EPHA4: variants seen among roughly 807,000 people sequenced by gnomAD.
EPHA4 encodes the protein ephrin type-A receptor 4.
Under a neutral mutation model 108.3 loss-of-function variants are expected in EPHA4, and 19 were observed. That is an observed-to-expected ratio of 0.18 (90% confidence interval 0.12 to 0.26). The LOEUF (loss-of-function observed/expected upper bound fraction) is 0.26, where lower values mean the gene tolerates loss of function less well. Among genes scored for constraint, EPHA4 ranks in the 10% least tolerant of loss-of-function variants. The pLI, the probability that EPHA4 is intolerant of heterozygous loss-of-function variation, is 1.00. For synonymous variants in EPHA4, 449 were observed against 455.5 expected, an observed-to-expected ratio of 0.99 and a Z score of 0.18; for missense variants, 917 against 1,254.0, an observed-to-expected ratio of 0.73 and a Z score of 4.06.
intron 2 of EPHA4, among the ~76,000 whole-genome samples, chr2:221,567,998 G>A (rs952992249): frequency 1.3e-5 from 2 of 152,218 alleles, no homozygotes; most frequent in African/African-American, 4.8e-5. Context: ...AGGGGGAGTA[G>A]GAGAATGTGG....
intron 17 of EPHA4, 36 bp from the exon 18 acceptor site, chr2:221,420,588 C>G (rs973959399): frequency 6.6e-6 from 1 of 152,162 alleles, no homozygotes; most frequent in African/African-American, 2.4e-5. Context: ...GACAAAACGT[C>G]GACCCATATT....
intron 11 of EPHA4, 110 bp downstream of exon 11, chr2:221,442,719 T>A (rs1559242429): frequency 7.2e-6 from 8 of 1,113,394 alleles, no homozygotes; most frequent in Admixed American, 3.9e-5. Flanking sequence ...GATTTCCTCC[T>A]ATTAGCAATC....
At chr2:221,504,787 C>T (rs368766646) in intron 3 of EPHA4, among the ~76,000 whole-genome samples, 2 of 152,178 alleles carry the variant, frequency 1.3e-5, no homozygotes, top group South Asian at 2.1e-4. Flanking sequence ...ACTGTTCCCA[C>T]TTTGCAGATG....
At chr2:221,507,229 T>C (rs1692658532) in intron 3 of EPHA4, among the ~76,000 whole-genome samples, 1 of 152,210 alleles carries the variant, frequency 6.6e-6, no homozygotes, top group African/African-American at 2.4e-5. Context: ...TCCCCAAGTT[T>C]TGAATGACAA....
intron 5 of EPHA4, among the ~76,000 whole-genome samples, chr2:221,470,653 A>G (rs1325224095): frequency 1.3e-5 from 2 of 149,240 alleles, no homozygotes; most frequent in Admixed American, 1.3e-4. Flanking sequence ...CTTTTTTATA[A>G]AGAAGAAATC....
At chr2:221,514,380 C>T (rs1692930344) in intron 3 of EPHA4, among the ~76,000 whole-genome samples, 1 of 152,090 alleles carries the variant, frequency 6.6e-6, no homozygotes, top group Non-Finnish European at 1.5e-5. Context: ...TCTTGTAGGG[C>T]ACAAAAGGTT....
intron 11 of EPHA4, among the ~76,000 whole-genome samples, chr2:221,442,255 C>CTG (rs1246675037): frequency 2.0e-5 from 3 of 152,202 alleles, no homozygotes; most frequent in Admixed American, 6.5e-5. Context: ...ATCTGTTGAG[C>CTG]TGTGTCGCAT....
At chr2:221,450,600 T>G (rs945824862) in intron 8 of EPHA4, among the ~76,000 whole-genome samples, 2 of 152,208 alleles carry the variant, frequency 1.3e-5, no homozygotes, top group Admixed American at 1.3e-4. Context: ...TAACTCACCA[T>G]GTGACCTTCG....
At chr2:221,542,934 TA>T (rs986854121) in intron 3 of EPHA4, among the ~76,000 whole-genome samples, 1 of 152,238 alleles carries the variant, frequency 6.6e-6, no homozygotes, top group Non-Finnish European at 1.5e-5. Context: ...ATGCAAGTGC[TA>T]ATGAGTAAAA....
chr2:221,518,990 G>A (rs989354984), intron 3 of EPHA4, among the ~76,000 whole-genome samples: 1 of 152,052 alleles, frequency 6.6e-6, no homozygotes, highest in Non-Finnish European at 1.5e-5. Flanking sequence ...ATTTTCAGAG[G>A]AAAGATAGCA....
rs1282092320 is a variant in EPHA4, at chr2:221,473,562, A to AAC, written c.1318+8789_1318+8790insGT. 3.9e-4 allele frequency among the ~76,000 whole-genome samples: 59 copies of AAC among 151,146 alleles called. 1 individual carries two copies. Among genetic ancestry groups the AAC allele is most frequent in the Non-Finnish European group, 6.6e-4 (45 of 67,758 alleles). On this transcript the variant is annotated intron_variant, in intron 5 of 17. Coordinates refer to ENST00000281821, the MANE Select transcript of EPHA4 (RefSeq NM_004438.5). ...TCAAGGTGTTTAAAGGAAAAAAAAA[A>AAC]AAAAAAAAAAAACTATTTAAAGACA...
chr2:221,546,942 A>G (rs1326248590), intron 3 of EPHA4, among the ~76,000 whole-genome samples: 1 of 152,172 alleles, frequency 6.6e-6, no homozygotes, highest in Non-Finnish European at 1.5e-5. Flanking sequence ...CTAAGAGGCT[A>G]AAAAAATAAA....
chr2:221,493,302 G>T (rs1469132175), intron 4 of EPHA4, among the ~76,000 whole-genome samples: 1 of 152,026 alleles, frequency 6.6e-6, no homozygotes, highest in African/African-American at 2.4e-5. Context: ...TCAAAGCCTC[G>T]CTCTAGACAT....
At chr2:221,554,524 A>G (rs149041294) in intron 3 of EPHA4, among the ~76,000 whole-genome samples, 270 of 152,286 alleles carry the variant, frequency 1.8e-3, no homozygotes, top group African/African-American at 6.0e-3. Flanking sequence ...TTCCCATTCT[A>G]GAAGGAATAA....
chr2:221,499,229 AAATAT>A (rs1396561038), intron 4 of EPHA4, among the ~76,000 whole-genome samples: 2 of 147,794 alleles, frequency 1.4e-5, no homozygotes, highest in Non-Finnish European at 3.0e-5. Flanking sequence ...TATAAAATAT[AAATAT>A]AATAATATAA....
intron 3 of EPHA4, among the ~76,000 whole-genome samples, chr2:221,521,113 T>C (rs930588776): frequency 4.6e-5 from 7 of 152,232 alleles, no homozygotes; most frequent in African/African-American, 1.4e-4. Context: ...GACCATATAG[T>C]GTTAACCCAA....
At chr2:221,532,502 C>T (rs538115248) in intron 3 of EPHA4, among the ~76,000 whole-genome samples, 179 of 152,300 alleles carry the variant, frequency 1.2e-3, no homozygotes, top group African/African-American at 3.9e-3. Flanking sequence ...TGATTACTGG[C>T]CATTTTAATT....
intron 1 of EPHA4, 124 bp downstream of exon 1, chr2:221,572,034 C>A: frequency 1.2e-6 from 1 of 802,328 alleles, no homozygotes; most frequent in South Asian, 1.5e-5. Flanking sequence ...CCCCTTCTCC[C>A]GAATCGGGAC....
chr2:221,439,570 C>A lies in EPHA4; in HGVS notation c.2075-2448G>T, dbSNP rs531857396. Reference sequence around the variant, plus strand: ...TGACATGATCATAACTCACTGCAGCCTTGAACTCCTGGGCTCAAGGGATCC... The same window carrying A: ...TGACATGATCATAACTCACTGCAGCATTGAACTCCTGGGCTCAAGGGATCC... On this transcript the variant is annotated intron_variant, in intron 11 of 17. Coordinates refer to ENST00000281821, the MANE Select transcript of EPHA4 (RefSeq NM_004438.5). Among the ~76,000 whole-genome samples the A allele has an allele frequency of 7.2e-5, 11 of 151,918 alleles. No individual in the cohort carries two copies. The East Asian group carries it at 2.2e-3, about 30-fold the overall frequency.
Sources: gnomAD v4.1 joint callset for allele counts (sites outside exome capture counted in the v4.1 genomes callset) on GRCh38, gnomAD v4.1.1 for gene constraint, MANE v1.5 for transcripts, NCBI Gene and HGNC (gene_info 2026-07-23, HGNC 2026-07-21) for gene names.